RFX2: variants seen among roughly 807,000 people sequenced by gnomAD.
RFX2 encodes the protein regulatory factor X2, also known as DNA-binding protein RFX2.
RFX2 carries 20 observed loss-of-function variants against 87.8 expected under a neutral mutation model. That is an observed-to-expected ratio of 0.23 (90% CI 0.16 to 0.33). The LOEUF is 0.33. RFX2 is among the 10% of genes least tolerant of loss of function. The pLI is 1.00. For missense variants in RFX2, 767 were observed against 1,012.3 expected (o/e 0.76, Z 3.29); for synonymous variants, 397 against 431.3 (o/e 0.92, Z 0.98).
intron 5 of RFX2, among the ~76,000 whole-genome samples, chr19:6,035,249 G>C (rs911630008): frequency 6.6e-6 from 1 of 152,172 alleles, no homozygotes; most frequent in Non-Finnish European, 1.5e-5. Flanking sequence ...GGCCCACTGA[G>C]GGCTGCTCCC....
rs1248648322 is a variant in RFX2 at position 6,074,697 on chromosome 19, C to T, written c.-8-27193G>A. On this transcript the variant is annotated intron_variant, in intron 1 of 17. Coordinates refer to ENST00000303657, the MANE Select transcript of RFX2 (RefSeq NM_000635.4). This position sits in a 1 kb window ranked among gnomAD's most constrained non-coding sequence, Gnocchi z 5.2. Reference sequence around the variant, plus strand: ...TACACTCAAATGCACAAGTGGAGTGCGGCATGGGCCAGGGGCAACAAGGTG... The same window carrying T: ...TACACTCAAATGCACAAGTGGAGTGTGGCATGGGCCAGGGGCAACAAGGTG... 3.9e-5 allele frequency among the ~76,000 whole-genome samples: 6 copies of T among 152,052 alleles called. No homozygotes were observed. The highest frequency in any genetic ancestry group is 2.1e-4 in the South Asian group (1 of 4,822).
rs1218467358 is a variant in RFX2, at chr19:6,047,670, G to A, written c.-8-166C>T. 6.6e-6 allele frequency among the ~76,000 whole-genome samples: 1 copy of A among 152,334 alleles called. No individual in the cohort carries two copies. Among genetic ancestry groups the A allele is most frequent in the East Asian group, 1.9e-4 (1 of 5,182 alleles). ...CCTAAGTGAGGAGCTGCGGAAACAG[G>A]CTGCACAACTGTCCCACAGAAGGAG... On this transcript the variant is annotated intron_variant, in intron 1 of 17. Transcript: ENST00000303657. The surrounding 1 kb of genome is among the most constrained non-coding windows in gnomAD (Gnocchi z 4.2).
chr19:6,098,580 G>T (rs780112248), intron 1 of RFX2, among the ~76,000 whole-genome samples: 1 of 152,096 alleles, frequency 6.6e-6, no homozygotes, highest in African/African-American at 2.4e-5. Flanking sequence ...TTTGAAGTCT[G>T]TTCTTCGTTA....
Position 6,062,579 on chromosome 19 carries a change from G to A in RFX2, c.-8-15075C>T, listed in dbSNP as rs963843677. On this transcript the variant is annotated intron_variant, in intron 1 of 17. Transcript: ENST00000303657. ...TCCGTCTCTTTTCTGTATATAAATC[G>A]CTTCCCCAACCCCATGCCAAAGAGA... Among the ~76,000 whole-genome samples, 3 of 152,258 alleles carry A rather than the reference G, an allele frequency of 2.0e-5. No homozygotes were observed. In the South Asian group the frequency reaches 6.2e-4, roughly 32 times the overall value.
At chr19:6,066,382 CT>C (rs1299579855) in intron 1 of RFX2, among the ~76,000 whole-genome samples, 1 of 152,170 alleles carries the variant, frequency 6.6e-6, no homozygotes, top group Non-Finnish European at 1.5e-5. Context: ...ACTCTTTGCT[CT>C]TCTGAAATTC....
intron 1 of RFX2, among the ~76,000 whole-genome samples, chr19:6,055,958 A>G (rs1457235507): frequency 1.3e-5 from 2 of 152,190 alleles, no homozygotes; most frequent in Non-Finnish European, 2.9e-5. Flanking sequence ...AGTTGAGTCC[A>G]AAAGAGTAGA....
rs2087304819 is a variant in RFX2, at chr19:6,054,442, T to C, written c.-8-6938A>G. On this transcript the variant is annotated intron_variant, in intron 1 of 17. Transcript: ENST00000303657. ...ACAAATATATTACAAGGAAAGTGTTTAGACTAATATCTCTTATGCACATAT... is the reference window on the plus strand; with the variant it reads ...ACAAATATATTACAAGGAAAGTGTTCAGACTAATATCTCTTATGCACATAT... Among the ~76,000 whole-genome samples, 4 of 152,200 alleles carry C rather than the reference T, an allele frequency of 2.6e-5. No homozygotes were observed. In the South Asian group the frequency reaches 8.3e-4, roughly 31 times the overall value.
In RFX2 at chr19:6,047,278, G is replaced by T; in HGVS notation, c.90+129C>A. The T allele has an allele frequency of 1.4e-6, 1 of 694,148 alleles. No homozygotes were observed. Among genetic ancestry groups the T allele is most frequent in the Non-Finnish European group, 2.4e-6 (1 of 425,502 alleles). The allele number at this position is 694,148 out of a possible 1,614,324, so 43.0% of individuals were successfully genotyped here. ...AATTGTGCCTATTTCAACAGCAGCA[G>T]CACTGGGACTGAGAAGTCCATTCAG... On this transcript the variant is annotated intron_variant, in intron 2 of 17. Coordinates refer to ENST00000303657, the MANE Select transcript of RFX2 (RefSeq NM_000635.4). This position sits in a 1 kb window ranked among gnomAD's most constrained non-coding sequence, Gnocchi z 4.2.
intron 1 of RFX2, among the ~76,000 whole-genome samples, chr19:6,059,417 T>C (rs1183448180): frequency 6.6e-6 from 1 of 152,242 alleles, no homozygotes; most frequent in Non-Finnish European, 1.5e-5. Flanking sequence ...CAAGTCTTCA[T>C]GACACTTTCA....
chr19:6,018,992 C>T (rs1425579233), intron 6 of RFX2, among the ~76,000 whole-genome samples: 1 of 152,202 alleles, frequency 6.6e-6, no homozygotes, highest in Non-Finnish European at 1.5e-5. Flanking sequence ...ACCCCTCGCC[C>T]TCTTGCTACC....
In RFX2 at chr19:6,012,882, T is replaced by C; in HGVS notation, c.899+104A>G. 4 of 1,201,160 alleles carry C rather than the reference T, an allele frequency of 3.3e-6. No homozygotes were observed. Among genetic ancestry groups the C allele is most frequent in the Non-Finnish European group, 4.4e-6 (4 of 918,580 alleles). 74.4% of individuals were successfully genotyped at this position (1,201,160 alleles called of 1,614,324 possible). A position where few individuals can be genotyped will look rare whatever the true frequency, so the allele number is the denominator to read the frequency against. Reference sequence around the variant, plus strand: ...GGATACCTTGGCTTTCCCAGGATGCTGGAGACTGGGGAGTTATGATGAGTT... The same window carrying C: ...GGATACCTTGGCTTTCCCAGGATGCCGGAGACTGGGGAGTTATGATGAGTT... On this transcript the variant is annotated intron_variant, in intron 8 of 17. Transcript: ENST00000303657. This position sits in a 1 kb window ranked among gnomAD's most constrained non-coding sequence, Gnocchi z 4.6.
intron 1 of RFX2, among the ~76,000 whole-genome samples, chr19:6,098,472 C>T (rs2088061693): frequency 6.6e-6 from 1 of 152,138 alleles, no homozygotes; most frequent in African/African-American, 2.4e-5. Context: ...GCCACCTGGG[C>T]AATGATCTTG....
chr19:6,037,109 T>G (rs1483572311), intron 5 of RFX2, among the ~76,000 whole-genome samples: 3 of 151,464 alleles, frequency 2.0e-5, no homozygotes, highest in Non-Finnish European at 4.4e-5. Context: ...ATGGTGAAAC[T>G]CCGTCTCTAC....
intron 5 of RFX2, among the ~76,000 whole-genome samples, chr19:6,034,909 A>C (rs1008127082): frequency 6.6e-6 from 1 of 152,192 alleles, no homozygotes; most frequent in Admixed American, 6.5e-5. Context: ...TTTTAATGGT[A>C]TTATGTATCG....
chr19:6,094,953 C>T (rs2087999950), intron 1 of RFX2, among the ~76,000 whole-genome samples: 1 of 151,966 alleles, frequency 6.6e-6, no homozygotes, highest in Admixed American at 6.6e-5. Context: ...ATGGTGAAAC[C>T]CCGTCTCTAC....
chr19:6,082,471 C>A (rs2087799083), intron 1 of RFX2, among the ~76,000 whole-genome samples: 1 of 152,056 alleles, frequency 6.6e-6, no homozygotes, highest in Non-Finnish European at 1.5e-5. Flanking sequence ...CTTTCTCTGT[C>A]ACACAGGCTG....
rs2087430723 is a variant in RFX2, at chr19:6,061,544, C to T, written c.-8-14040G>A. ...GCAGAGAGCCCTGCCCCACAGAATG[C>T]ATCCAAAGAAACGGAACATTTGGTT... On this transcript the variant is annotated intron_variant, in intron 1 of 17. Coordinates refer to ENST00000303657, the MANE Select transcript of RFX2 (RefSeq NM_000635.4). This position sits in a 1 kb window ranked among gnomAD's most constrained non-coding sequence, Gnocchi z 5.2. Among the ~76,000 whole-genome samples the T allele has an allele frequency of 6.6e-6, 1 of 152,248 alleles. No homozygotes were observed. Among genetic ancestry groups the T allele is most frequent in the Non-Finnish European group, 1.5e-5 (1 of 68,032 alleles).
At chr19:6,043,413 G>T (rs1044026711) in intron 3 of RFX2, among the ~76,000 whole-genome samples, 12 of 152,246 alleles carry the variant, frequency 7.9e-5, no homozygotes, top group Non-Finnish European at 1.5e-4. Flanking sequence ...GGACCCTCCT[G>T]AAGAGCGGTG....
At chr19:6,008,796 G>T (rs1386761019) in intron 9 of RFX2, among the ~76,000 whole-genome samples, 3 of 151,284 alleles carry the variant, frequency 2.0e-5, no homozygotes, top group Non-Finnish European at 2.9e-5. Context: ...TCCTGTCTCA[G>T]CCTCTTGAGT....
Sources: allele counts gnomAD v4.1 joint callset (sites outside exome capture counted in the v4.1 genomes callset), GRCh38; gene constraint gnomAD v4.1.1; non-coding constraint Gnocchi (gnomAD v3.1); transcripts MANE v1.5; gene names NCBI Gene and HGNC (gene_info 2026-07-23, HGNC 2026-07-21).